The following KCND2 variants were observed in gnomAD, a reference collection of about 807,000 sequenced individuals.
The protein encoded by KCND2 is A-type voltage-gated potassium channel KCND2.
Under a neutral mutation model 54.4 loss-of-function variants are expected in KCND2, and 16 were observed. That is an observed-to-expected ratio of 0.29 (90% CI 0.20 to 0.45). KCND2 has a LOEUF of 0.45. KCND2 is among the 20% of genes least tolerant of loss of function. KCND2 has a pLI of 1.00. For synonymous variants in KCND2, 317 were observed against 310.7 expected, an observed-to-expected ratio of 1.02 and a Z score of -0.21; for missense variants, 486 against 824.2, an observed-to-expected ratio of 0.59 and a Z score of 5.02.
chr7:120,705,656 A>G (rs1420237185), intron 1 of KCND2, among the ~76,000 whole-genome samples: 1 of 152,198 alleles, frequency 6.6e-6, no homozygotes, highest in Non-Finnish European at 1.5e-5. Context: ...TTTATCAAGA[A>G]GGATTATTTT....
At chr7:120,517,967 C>T (rs541598172) in intron 1 of KCND2, among the ~76,000 whole-genome samples, 5 of 152,230 alleles carry the variant, frequency 3.3e-5, no homozygotes, top group African/African-American at 1.2e-4. Context: ...TACAGTTACC[C>T]TTTCTGGGCC....
chr7:120,728,823 T>A (rs1792769791), intron 1 of KCND2, among the ~76,000 whole-genome samples: 1 of 152,084 alleles, frequency 6.6e-6, no homozygotes, highest in Admixed American at 6.6e-5. Context: ...CTACTGGGCT[T>A]AGCATAAATT....
intron 1 of KCND2, among the ~76,000 whole-genome samples, chr7:120,523,690 C>T (rs922287685): frequency 1.1e-4 from 13 of 114,264 alleles, no homozygotes; most frequent in African/African-American, 5.3e-4. Context: ...CACAGATATA[C>T]ACACACACAC....
chr7:120,473,222 T>A (rs1353848100), intron 1 of KCND2, among the ~76,000 whole-genome samples: 2 of 152,124 alleles, frequency 1.3e-5, no homozygotes, highest in African/African-American at 4.8e-5. Context: ...GTGTATAACT[T>A]TCATGGATAA....
At chr7:120,458,271 C>G (rs564402602) in intron 1 of KCND2, among the ~76,000 whole-genome samples, 22 of 152,182 alleles carry the variant, frequency 1.4e-4, no homozygotes, top group African/African-American at 5.1e-4. Context: ...TATGTAGGTC[C>G]TTGTAGGGAG....
At chr7:120,401,640 C>T (rs541771183) in intron 1 of KCND2, among the ~76,000 whole-genome samples, 14 of 152,172 alleles carry the variant, frequency 9.2e-5, no homozygotes, top group South Asian at 2.1e-4. Flanking sequence ...GTTTATAAGG[C>T]GTCAGTCCTC....
At chr7:120,439,537 C>T (rs2192374) in intron 1 of KCND2, among the ~76,000 whole-genome samples, 36,692 of 151,824 alleles carry the variant, frequency 0.24, 5,922 homozygotes, top group East Asian at 0.56. Context: ...TTCCAGTTAT[C>T]TGAAAATATA....
At chr7:120,564,151 G>A (rs933899603) in intron 1 of KCND2, among the ~76,000 whole-genome samples, 1 of 151,326 alleles carries the variant, frequency 6.6e-6, no homozygotes, top group South Asian at 2.1e-4. Flanking sequence ...AAGAGAAAAA[G>A]GTATAATAAA....
intron 1 of KCND2, among the ~76,000 whole-genome samples, chr7:120,435,760 A>G (rs1164006114): frequency 1.3e-5 from 2 of 151,994 alleles, no homozygotes; most frequent in East Asian, 3.9e-4. Context: ...GCCAGTCTCA[A>G]TGAAGCTCAT....
chr7:120,531,833 T>G (rs1423086753), intron 1 of KCND2, among the ~76,000 whole-genome samples: 1 of 152,158 alleles, frequency 6.6e-6, no homozygotes, highest in Non-Finnish European at 1.5e-5. Flanking sequence ...GCATATTTTT[T>G]AGTTTAATTT....
chr7:120,681,077 A>G (rs1792132889), intron 1 of KCND2, among the ~76,000 whole-genome samples: 1 of 152,120 alleles, frequency 6.6e-6, no homozygotes, highest in Non-Finnish European at 1.5e-5. Context: ...ATTCACATGT[A>G]GTGTATCTGA....
At chr7:120,316,763 CT>C (rs1045200001) in intron 1 of KCND2, among the ~76,000 whole-genome samples, 59 of 151,220 alleles carry the variant, frequency 3.9e-4, no homozygotes, top group Admixed American at 1.1e-3. Flanking sequence ...AGAATGATAT[CT>C]TTTTTTTGTT....
intron 1 of KCND2, among the ~76,000 whole-genome samples, chr7:120,392,762 C>A (rs1457831585): frequency 6.6e-6 from 1 of 151,812 alleles, no homozygotes; most frequent in Non-Finnish European, 1.5e-5. Flanking sequence ...CATGTTTGTG[C>A]TATAAGTAGT....
At chr7:120,585,651 A>G (rs1792588875) in intron 1 of KCND2, among the ~76,000 whole-genome samples, 1 of 152,276 alleles carries the variant, frequency 6.6e-6, no homozygotes, top group South Asian at 2.1e-4. Context: ...GGCAGGTGTC[A>G]TCCATATAAA....
chr7:120,647,454 G>T (rs993297101), intron 1 of KCND2, among the ~76,000 whole-genome samples: 1 of 151,994 alleles, frequency 6.6e-6, no homozygotes, highest in South Asian at 2.1e-4. Flanking sequence ...TTTCTTTTGT[G>T]TGTCTTACTC....
chr7:120,360,916 G>A (rs1186512046), intron 1 of KCND2, among the ~76,000 whole-genome samples: 3 of 152,024 alleles, frequency 2.0e-5, no homozygotes, highest in Admixed American at 6.6e-5. Flanking sequence ...TGCTATTTAT[G>A]AGCATAATCT....
At chr7:120,693,971 T>C (rs1792303305) in intron 1 of KCND2, among the ~76,000 whole-genome samples, 1 of 152,194 alleles carries the variant, frequency 6.6e-6, no homozygotes, top group Non-Finnish European at 1.5e-5. Flanking sequence ...GGTGGATGCC[T>C]GTAGTCCCAG....
intron 2 of KCND2, among the ~76,000 whole-genome samples, chr7:120,738,631 A>T (rs1038135065): frequency 5.9e-5 from 9 of 152,034 alleles, no homozygotes; most frequent in African/African-American, 2.2e-4. Context: ...TCCAACTTCC[A>T]TATTATTTGC....
chr7:120,610,364 A>G (rs1349415775), intron 1 of KCND2, among the ~76,000 whole-genome samples: 9 of 152,178 alleles, frequency 5.9e-5, no homozygotes, highest in Non-Finnish European at 1.2e-4. Context: ...TTTCTCCTCC[A>G]TAACTGAAAA....
Sources: allele counts gnomAD v4.1 joint callset (sites outside exome capture counted in the v4.1 genomes callset), GRCh38; gene constraint gnomAD v4.1.1; transcripts MANE v1.5; gene names NCBI Gene and HGNC (gene_info 2026-07-23, HGNC 2026-07-21).